CADM2: variants seen among roughly 807,000 people sequenced by gnomAD.
CADM2 encodes the protein cell adhesion molecule 2.
Under a neutral mutation model 49.8 loss-of-function variants are expected in CADM2, and 12 were observed. The ratio of observed to expected loss-of-function variants is 0.24; its 90% CI spans 0.15 to 0.39. The LOEUF is 0.39. CADM2 is among the 10% of genes least tolerant of loss of function. The probability of loss-of-function intolerance (pLI) is 1.00; values close to 1 mark genes in which losing one functional copy is unlikely to be tolerated. For synonymous variants in CADM2, 214 were observed against 175.4 expected (o/e 1.22, Z -1.74); for missense variants, 378 against 492.3 (o/e 0.77, Z 2.20).
At chr3:85,853,675 GAA>G (rs749697927) in intron 3 of CADM2, among the ~76,000 whole-genome samples, 11 of 134,726 alleles carry the variant, frequency 8.2e-5, no homozygotes, top group African/African-American at 2.9e-4. Context: ...TCCATGAGAT[GAA>G]AAAAAAAAAA....
chr3:85,506,008 A>T (rs1359846457), intron 1 of CADM2, among the ~76,000 whole-genome samples: 4 of 152,170 alleles, frequency 2.6e-5, no homozygotes, highest in Admixed American at 1.3e-4. Context: ...TAGAATAGTC[A>T]AATCTGATCC....
At chr3:85,344,613 C>T (rs7628420) in intron 1 of CADM2, among the ~76,000 whole-genome samples, 133,240 of 151,356 alleles carry the variant, frequency 0.88, 58,749 homozygotes, top group East Asian at 0.95. Flanking sequence ...AGAGTGAGCA[C>T]GACAATTCAT....
intron 1 of CADM2, among the ~76,000 whole-genome samples, chr3:85,330,065 A>G (rs1047130425): frequency 1.3e-5 from 2 of 152,204 alleles, no homozygotes; most frequent in Non-Finnish European, 2.9e-5. Context: ...GACGTGGTAG[A>G]AATAAAGCCA....
chr3:85,216,464 A>G (rs1375073381), intron 1 of CADM2, among the ~76,000 whole-genome samples: 1 of 151,338 alleles, frequency 6.6e-6, no homozygotes, highest in Admixed American at 6.6e-5. Flanking sequence ...AGAACTGTCC[A>G]TAAAGAGATT....
intron 1 of CADM2, among the ~76,000 whole-genome samples, chr3:85,667,732 G>A (rs530356327): frequency 6.6e-6 from 1 of 152,078 alleles, no homozygotes; most frequent in South Asian, 2.1e-4. Context: ...ATCAATTCAG[G>A]ACAGGCAAAA....
intron 1 of CADM2, among the ~76,000 whole-genome samples, chr3:85,151,338 C>A (rs971787890): frequency 6.6e-6 from 1 of 151,282 alleles, no homozygotes; most frequent in Admixed American, 6.6e-5. Context: ...TTTTTCACTT[C>A]TGCTTTTACT....
rs192654194 is a variant in CADM2, at chr3:85,380,845, T to C, written c.62-345677T>C. On this transcript the variant is annotated intron_variant, in intron 1 of 9. Transcript: ENST00000383699. ...ATCATAAGGAGCTGTAAAAAGTATA[T>C]CATAGATTTGATTCTAACTAATTAA... is the stretch of plus-strand genomic sequence containing the variant. 3.6e-3 allele frequency among the ~76,000 whole-genome samples: 545 copies of C among 152,152 alleles called. 6 individuals are homozygous for C. The highest frequency in any genetic ancestry group is 0.012 in the African/African-American group (508 of 41,570).
chr3:85,730,031 A>G (rs191513889), intron 2 of CADM2, among the ~76,000 whole-genome samples: 18 of 152,316 alleles, frequency 1.2e-4, no homozygotes, highest in Non-Finnish European at 2.5e-4. Flanking sequence ...TTCTAAGTTT[A>G]AAAGATTTGA....
chr3:84,984,148 A>G (rs950114003), intron 1 of CADM2, among the ~76,000 whole-genome samples: 1 of 151,690 alleles, frequency 6.6e-6, no homozygotes, highest in African/African-American at 2.4e-5. Context: ...CTAGATATCT[A>G]CGCCTGAGCT....
At chr3:85,998,556 T>C (rs1004473367) in intron 8 of CADM2, among the ~76,000 whole-genome samples, 6 of 152,166 alleles carry the variant, frequency 3.9e-5, no homozygotes, top group African/African-American at 1.4e-4. Context: ...TATATATTTA[T>C]CTATGCACTT....
At chr3:85,921,111 T>C (rs1248986210) in intron 6 of CADM2, among the ~76,000 whole-genome samples, 2 of 151,862 alleles carry the variant, frequency 1.3e-5, no homozygotes, top group South Asian at 2.1e-4. Context: ...AAATGAGACA[T>C]AAATGACCGT....
chr3:85,834,740 A>C (rs181302332), intron 3 of CADM2, among the ~76,000 whole-genome samples: 3 of 109,666 alleles, frequency 2.7e-5, no homozygotes, highest in African/African-American at 6.7e-5. Context: ...CTTCTTGGGG[A>C]AAAAAAAAAA....
At chr3:85,966,115 A>G (rs1485375629) in intron 8 of CADM2, among the ~76,000 whole-genome samples, 4 of 151,688 alleles carry the variant, frequency 2.6e-5, no homozygotes, top group Non-Finnish European at 4.4e-5. Flanking sequence ...ATATGCTGCA[A>G]CTCTTTAATA....
intron 3 of CADM2, among the ~76,000 whole-genome samples, chr3:85,835,059 G>C (rs2074346739): frequency 6.6e-6 from 1 of 151,550 alleles, no homozygotes; most frequent in Admixed American, 6.6e-5. Flanking sequence ...CCACTGAAAT[G>C]ATAAGATAAA....
At chr3:85,542,896 A>AT (rs1171406788) in intron 1 of CADM2, among the ~76,000 whole-genome samples, 1 of 152,222 alleles carries the variant, frequency 6.6e-6, no homozygotes, top group East Asian at 1.9e-4. Context: ...AATTGAAATC[A>AT]TTCAACTATT....
At chr3:85,399,929 C>T (rs2035010443) in intron 1 of CADM2, among the ~76,000 whole-genome samples, 4 of 152,184 alleles carry the variant, frequency 2.6e-5, no homozygotes, top group Admixed American at 2.6e-4. Context: ...GACAATTTGA[C>T]TTCCTGTTTT....
At chr3:86,012,118 T>C (rs1731588120) in intron 8 of CADM2, among the ~76,000 whole-genome samples, 1 of 152,088 alleles carries the variant, frequency 6.6e-6, no homozygotes, top group African/African-American at 2.4e-5. Context: ...AGCATTCTGT[T>C]AAATACATAT....
intron 8 of CADM2, among the ~76,000 whole-genome samples, chr3:86,034,919 T>A (rs1734974396): frequency 6.6e-6 from 1 of 151,988 alleles, no homozygotes; most frequent in African/African-American, 2.4e-5. Flanking sequence ...CCACCCCTAC[T>A]TCTGCTGCTT....
intron 1 of CADM2, among the ~76,000 whole-genome samples, chr3:85,672,253 CAT>C (rs1311499231): frequency 7.0e-6 from 1 of 143,110 alleles, no homozygotes; most frequent in African/African-American, 2.6e-5. Context: ...AGTGCAGTGG[CAT>C]GATCTCTGCT....
Sources: allele counts gnomAD v4.1 joint callset (sites outside exome capture counted in the v4.1 genomes callset), GRCh38; gene constraint gnomAD v4.1.1; transcripts MANE v1.5; gene names NCBI Gene and HGNC (gene_info 2026-07-23, HGNC 2026-07-21).